The following CEP164 variants were observed in gnomAD, a reference collection of about 807,000 sequenced individuals.
CEP164 encodes the protein centrosomal protein 164.
In CEP164, 162 loss-of-function variants were observed where a neutral mutation model predicts 182.7. That is an observed-to-expected ratio of 0.89 (90% CI 0.78 to 1.01). CEP164 has a LOEUF of 1.01. CEP164 is among the 50% of genes least tolerant of loss of function. CEP164 has a pLI of 0.00. For missense variants in CEP164, 1,735 were observed against 1,790.4 expected, an observed-to-expected ratio of 0.97 and a Z score of 0.56; for synonymous variants, 661 against 690.0, an observed-to-expected ratio of 0.96 and a Z score of 0.66.
At chr11:117,342,598 C>T (rs997137355) in intron 3 of CEP164, among the ~76,000 whole-genome samples, 3 of 152,048 alleles carry the variant, frequency 2.0e-5, no homozygotes, top group Non-Finnish European at 4.4e-5. Context: ...GCCTCAGCTT[C>T]CTAAGTGGCT....
intron 20 of CEP164, 61 bp downstream of exon 20, chr11:117,393,187 G>GCA (rs375279510): frequency 1.9e-6 from 3 of 1,574,020 alleles, no homozygotes; most frequent in Admixed American, 1.7e-5. Flanking sequence ...GCACGCACAT[G>GCA]CACACACACA....
At chr11:117,398,778 C>T (rs1468639435) in intron 27 of CEP164, among the ~76,000 whole-genome samples, 1 of 152,186 alleles carries the variant, frequency 6.6e-6, no homozygotes, top group African/African-American at 2.4e-5. Flanking sequence ...AGGCTGCACA[C>T]AGCATGGGGA....
intron 1 of CEP164, among the ~76,000 whole-genome samples, chr11:117,334,430 A>C (rs1463641163): frequency 6.6e-6 from 1 of 152,188 alleles, no homozygotes; most frequent in Admixed American, 6.5e-5. Context: ...CTGGCAGAAC[A>C]TTTATTTGAA....
chr11:117,402,271 G>T (rs1222674637), intron 27 of CEP164, among the ~76,000 whole-genome samples: 1 of 151,498 alleles, frequency 6.6e-6, no homozygotes, highest in Non-Finnish European at 1.5e-5. Flanking sequence ...ACCCAGGCTG[G>T]AGTGCAGTGG....
intron 3 of CEP164, among the ~76,000 whole-genome samples, chr11:117,339,821 T>C (rs1393734644): frequency 6.6e-6 from 1 of 151,906 alleles, no homozygotes; most frequent in African/African-American, 2.4e-5. Flanking sequence ...GGAGACACCA[T>C]GCCTGGCCCA....
At chr11:117,343,242 G>A (rs572247434) in intron 3 of CEP164, among the ~76,000 whole-genome samples, 1 of 152,190 alleles carries the variant, frequency 6.6e-6, no homozygotes, top group South Asian at 2.1e-4. Flanking sequence ...TGGAAGGGAG[G>A]GTTCAGTGAG....
intron 2 of CEP164, chr11:117,336,642 G>A: frequency 1.8e-6 from 2 of 1,096,734 alleles, no homozygotes. Flanking sequence ...GTTTAGGTGT[G>A]TCCTCCAGCC....
At chr11:117,384,030 C>CT (rs1416408037) in intron 14 of CEP164, among the ~76,000 whole-genome samples, 1 of 152,200 alleles carries the variant, frequency 6.6e-6, no homozygotes, top group Non-Finnish European at 1.5e-5. Flanking sequence ...GAGCGAAACT[C>CT]TGTCTCAAAT....
intron 8 of CEP164, among the ~76,000 whole-genome samples, chr11:117,368,052 TG>T (rs1319357400): frequency 2.0e-5 from 3 of 152,238 alleles, no homozygotes; most frequent in Admixed American, 2.0e-4. Flanking sequence ...TTTAACAGTT[TG>T]GTCAACAAAC....
chr11:117,393,472 T>C (rs552948448), intron 20 of CEP164, among the ~76,000 whole-genome samples: 5 of 152,302 alleles, frequency 3.3e-5, no homozygotes, highest in Admixed American at 1.3e-4. Context: ...CAAGAACTGT[T>C]CTGAGCTCTT....
chr11:117,343,379 G>A (rs375233395), intron 3 of CEP164, among the ~76,000 whole-genome samples: 7 of 152,016 alleles, frequency 4.6e-5, no homozygotes, highest in African/African-American at 9.6e-5. Flanking sequence ...ATTACAGCAC[G>A]TGTCACCTGG....
At chr11:117,340,579 G>A (rs1421647295) in intron 3 of CEP164, among the ~76,000 whole-genome samples, 1 of 152,154 alleles carries the variant, frequency 6.6e-6, no homozygotes, top group Non-Finnish European at 1.5e-5. Flanking sequence ...CTGTCACCCA[G>A]GCTAGTATGC....
intron 27 of CEP164, among the ~76,000 whole-genome samples, chr11:117,400,971 C>T (rs919223560): frequency 1.3e-5 from 2 of 152,064 alleles, no homozygotes; most frequent in East Asian, 3.8e-4. Context: ...ATTTGAATAC[C>T]CTTTGTTTCT....
chr11:117,357,939 C>G (rs1235104290), intron 5 of CEP164, among the ~76,000 whole-genome samples: 2 of 152,156 alleles, frequency 1.3e-5, no homozygotes, highest in African/African-American at 4.8e-5. Flanking sequence ...CTACCTTTGT[C>G]CCTTTAAAGA....
At chr11:117,384,226 A>G (rs916443335) in intron 14 of CEP164, among the ~76,000 whole-genome samples, 2 of 152,280 alleles carry the variant, frequency 1.3e-5, no homozygotes, top group Non-Finnish European at 2.9e-5. Flanking sequence ...CACATTACTC[A>G]CAGCAAGTTC....
At position 117,355,579 on chromosome 11, in the gene CEP164, T is replaced by C. The variant is rs1379116481; in HGVS notation, c.393+3591T>C. The C allele has an allele frequency of 2.5e-6, 3 of 1,218,366 alleles. No homozygotes were observed. The East Asian group carries it at 1.7e-4, about 70-fold the overall frequency. The allele number at this position is 1,218,366 out of a possible 1,614,324, so 75.5% of individuals were successfully genotyped here. A position where few individuals can be genotyped will look rare whatever the true frequency, so the allele number is the denominator to read the frequency against. On this transcript the variant is annotated intron_variant, in intron 5 of 32. Transcript: ENST00000278935. ...AGGAGGAGCCCTCCCTGTCCTCTTGTTCTTCCGGCCACATGTTGCCTGCCA... is the reference window on the plus strand; with the variant it reads ...AGGAGGAGCCCTCCCTGTCCTCTTGCTCTTCCGGCCACATGTTGCCTGCCA...
In CEP164 at chr11:117,390,688, G is replaced by A. The variant is rs2044532045; in HGVS notation, c.1935-89G>A. On this transcript the variant is annotated intron_variant, in intron 15 of 32. Transcript: ENST00000278935. ...AGGAAGTTTCTTAGGCAGGCAACAG[G>A]GCTATTGGAGGCTGAGAGCCATAGC... is the stretch of plus-strand genomic sequence containing the variant. The A allele has an allele frequency of 2.6e-6, 4 of 1,518,244 alleles. No individual in the cohort carries two copies. The Admixed American group carries it at 7.9e-5, about 30-fold the overall frequency. 94.0% of individuals were successfully genotyped at this position (1,518,244 alleles called of 1,614,324 possible).
intron 2 of CEP164, among the ~76,000 whole-genome samples, chr11:117,337,526 T>G (rs57574178): frequency 1.8e-5 from 2 of 113,062 alleles, no homozygotes; most frequent in African/African-American, 3.5e-5. Flanking sequence ...AAAAAAAAAG[T>G]AAAATATATA....
intron 27 of CEP164, among the ~76,000 whole-genome samples, chr11:117,404,121 TTG>T (rs2046429167): frequency 6.6e-6 from 1 of 152,072 alleles, no homozygotes; most frequent in African/African-American, 2.4e-5. Flanking sequence ...TCAGAGGAGT[TTG>T]TTATTACCCA....
Sources: gnomAD v4.1 joint callset for allele counts (sites outside exome capture counted in the v4.1 genomes callset) on GRCh38, gnomAD v4.1.1 for gene constraint, MANE v1.5 for transcripts, NCBI Gene and HGNC (gene_info 2026-07-23, HGNC 2026-07-21) for gene names.